Variants in FMNL2 observed in about 807,000 individuals in gnomAD.
FMNL2 encodes the protein formin-like protein 2.
In FMNL2, 51 loss-of-function variants were observed where a neutral mutation model predicts 130.2. That is an observed-to-expected ratio of 0.39 (90% CI 0.31 to 0.49). FMNL2 has a LOEUF of 0.49. Among genes scored for constraint, FMNL2 ranks in the 20% least tolerant of loss-of-function variants. FMNL2 has a pLI of 0.85. For missense variants in FMNL2, 977 were observed against 1,316.2 expected (o/e 0.74, Z 3.99); for synonymous variants, 465 against 467.1 (o/e 1.00, Z 0.06).
chr2:152,563,109 TGTTTTGCTTCACA>T (rs1207037333), intron 6 of FMNL2, among the ~76,000 whole-genome samples: 28 of 152,230 alleles, frequency 1.8e-4, no homozygotes, highest in Non-Finnish European at 2.9e-5. Flanking sequence ...AAGGCCAGCC[TGTTTTGCTTCACA>T]GTTTTGCTTC....
intron 5 of FMNL2, among the ~76,000 whole-genome samples, chr2:152,559,464 C>T (rs565429488): frequency 5.6e-4 from 85 of 152,174 alleles, no homozygotes; most frequent in African/African-American, 1.7e-3. Flanking sequence ...CCACCATGCC[C>T]GGCTAATTTT....
At chr2:152,382,169 CT>C (rs1684510094) in intron 1 of FMNL2, among the ~76,000 whole-genome samples, 1 of 152,098 alleles carries the variant, frequency 6.6e-6, no homozygotes. Context: ...GGTAAATATA[CT>C]TTTGAAAGTT....
At chr2:152,455,632 T>C (rs1688904563) in intron 1 of FMNL2, among the ~76,000 whole-genome samples, 2 of 152,230 alleles carry the variant, frequency 1.3e-5, no homozygotes, top group African/African-American at 2.4e-5. Flanking sequence ...ATGGGACTCA[T>C]AATGGATGAC....
chr2:152,396,742 T>A (rs889099694), intron 1 of FMNL2, among the ~76,000 whole-genome samples: 2 of 152,236 alleles, frequency 1.3e-5, no homozygotes, highest in African/African-American at 4.8e-5. Flanking sequence ...AGTGGGAAAT[T>A]ACTTTTTGTA....
intron 1 of FMNL2, among the ~76,000 whole-genome samples, chr2:152,470,443 A>C (rs1689795184): frequency 6.6e-6 from 1 of 152,246 alleles, no homozygotes; most frequent in South Asian, 2.1e-4. Flanking sequence ...CGATTTGTCA[A>C]CCGTGGCTGA....
At chr2:152,563,419 C>T (rs751900997) in intron 6 of FMNL2, among the ~76,000 whole-genome samples, 1 of 152,106 alleles carries the variant, frequency 6.6e-6, no homozygotes, top group Non-Finnish European at 1.5e-5. Flanking sequence ...ACTTAAGGAC[C>T]TGAAGCTTAG....
chr2:152,541,208 G>C (rs532818836), intron 2 of FMNL2, among the ~76,000 whole-genome samples: 4 of 152,030 alleles, frequency 2.6e-5, no homozygotes, highest in Non-Finnish European at 5.9e-5. Context: ...CCAGGCTGGA[G>C]TGCAGTGGCA....
intron 2 of FMNL2, among the ~76,000 whole-genome samples, chr2:152,541,255 C>T (rs1694297351): frequency 1.3e-5 from 2 of 152,116 alleles, no homozygotes; most frequent in African/African-American, 4.8e-5. Context: ...CTCCCAGGCT[C>T]AGGTGGTTCT....
chr2:152,554,487 A>G (rs1279522925), intron 4 of FMNL2, among the ~76,000 whole-genome samples: 1 of 152,220 alleles, frequency 6.6e-6, no homozygotes, highest in African/African-American at 2.4e-5. Context: ...TGTTAACATC[A>G]TGTTGGTCAT....
intron 20 of FMNL2, among the ~76,000 whole-genome samples, chr2:152,630,989 A>C (rs1682120227): frequency 6.6e-6 from 1 of 152,174 alleles, no homozygotes; most frequent in Non-Finnish European, 1.5e-5. Flanking sequence ...GAAACCTCAG[A>C]TAGTACTGAA....
intron 18 of FMNL2, 101 bp from the exon 19 acceptor site, chr2:152,629,555 A>AT: frequency 9.4e-7 from 1 of 1,059,758 alleles, no homozygotes; most frequent in Non-Finnish European, 1.4e-6. Context: ...TATGCTCTAA[A>AT]TGCAGGCCTG....
chr2:152,585,657 C>T (rs529411594), intron 9 of FMNL2, among the ~76,000 whole-genome samples: 1 of 152,080 alleles, frequency 6.6e-6, no homozygotes, highest in Non-Finnish European at 1.5e-5. Flanking sequence ...TCTGGTCATG[C>T]TTTTTCTTCT....
At chr2:152,561,166 AT>A in intron 6 of FMNL2, 131 bp downstream of exon 6, 1 of 955,612 alleles carries the variant, frequency 1.0e-6, no homozygotes, top group Non-Finnish European at 1.5e-6. Flanking sequence ...ATGACTCTAA[AT>A]GAATGTTTCT....
At chr2:152,357,795 G>A (rs375920040) in intron 1 of FMNL2, among the ~76,000 whole-genome samples, 6 of 152,340 alleles carry the variant, frequency 3.9e-5, no homozygotes, top group African/African-American at 1.2e-4. Flanking sequence ...GAGCCTAACC[G>A]TGTATTTCCG....
At position 152,518,228 on chromosome 2, in the gene FMNL2, A is replaced by G. The variant is rs1346462676; in HGVS notation, c.118-3715A>G. 2.6e-5 allele frequency among the ~76,000 whole-genome samples: 4 copies of G among 152,310 alleles called. No individual in the cohort carries two copies. The East Asian group carries it at 5.8e-4, about 22-fold the overall frequency. Reference sequence around the variant, plus strand: ...TAACCAGACCTCTGTAGAGTGTCTGATTTTAAATAGAACTGCTTCCTCATG... The same window carrying G: ...TAACCAGACCTCTGTAGAGTGTCTGGTTTTAAATAGAACTGCTTCCTCATG... On this transcript the variant is annotated intron_variant, in intron 1 of 25. Transcript: ENST00000288670.
intron 1 of FMNL2, among the ~76,000 whole-genome samples, chr2:152,398,045 C>G (rs1219832380): frequency 1.3e-5 from 2 of 152,146 alleles, no homozygotes; most frequent in African/African-American, 4.8e-5. Context: ...ATTGCTTGAA[C>G]CTGGGAGGTG....
intron 1 of FMNL2, among the ~76,000 whole-genome samples, chr2:152,364,282 T>TG (rs1560300732): frequency 7.8e-6 from 1 of 128,284 alleles, no homozygotes; most frequent in South Asian, 2.5e-4. Flanking sequence ...TTTTTTTTTT[T>TG]TTTTTTTTTT....
At chr2:152,528,962 G>A (rs938513683) in intron 2 of FMNL2, among the ~76,000 whole-genome samples, 6 of 152,088 alleles carry the variant, frequency 3.9e-5, no homozygotes, top group Non-Finnish European at 8.8e-5. Context: ...CCTGGAATTG[G>A]CACATATCAC....
chr2:152,630,851 T>G (rs1216948994), intron 20 of FMNL2, among the ~76,000 whole-genome samples: 2 of 152,134 alleles, frequency 1.3e-5, no homozygotes, highest in Admixed American at 1.3e-4. Context: ...TGAAGAGCAC[T>G]AAAATTAGAG....
Sources: allele counts gnomAD v4.1 joint callset (sites outside exome capture counted in the v4.1 genomes callset), GRCh38; gene constraint gnomAD v4.1.1; transcripts MANE v1.5; gene names NCBI Gene and HGNC (gene_info 2026-07-23, HGNC 2026-07-21).